Variants in RPH3A observed in about 807,000 individuals in gnomAD.
The protein encoded by RPH3A is rabphilin-3A.
In RPH3A, 48 loss-of-function variants were observed where a neutral mutation model predicts 102.2. That is an observed-to-expected ratio of 0.47 (90% CI 0.37 to 0.60). The LOEUF is 0.60. RPH3A is among the 20% of genes least tolerant of loss of function. The probability of loss-of-function intolerance (pLI) is 0.00; values close to 1 mark genes in which losing one functional copy is unlikely to be tolerated. For missense variants in RPH3A, 781 were observed against 910.1 expected, an observed-to-expected ratio of 0.86 and a Z score of 1.83; for synonymous variants, 310 against 324.3, an observed-to-expected ratio of 0.96 and a Z score of 0.47.
intron 1 of RPH3A, among the ~76,000 whole-genome samples, chr12:112,740,712 A>G (rs1164020183): frequency 3.9e-5 from 6 of 152,204 alleles, no homozygotes; most frequent in South Asian, 2.1e-4. Context: ...AGCCTTATCA[A>G]TGTCTTGCAG....
At chr12:112,658,437 G>A (rs1038216162) in intron 1 of RPH3A, among the ~76,000 whole-genome samples, 1 of 152,022 alleles carries the variant, frequency 6.6e-6, no homozygotes, top group East Asian at 1.9e-4. Flanking sequence ...TCGGCCTCCC[G>A]AAGTGTTGGG....
intron 1 of RPH3A, among the ~76,000 whole-genome samples, chr12:112,621,508 A>G (rs1440749899): frequency 1.4e-5 from 2 of 147,264 alleles, no homozygotes; most frequent in African/African-American, 5.1e-5. Flanking sequence ...ACCGGCTTAA[A>G]AAACGGCGCA....
chr12:112,713,585 C>T (rs553892917), intron 1 of RPH3A, among the ~76,000 whole-genome samples: 1 of 150,964 alleles, frequency 6.6e-6, no homozygotes, highest in Non-Finnish European at 1.5e-5. Context: ...AGCAGCCTAA[C>T]AATAAACAAT....
chr12:112,733,173 A>G (rs2136049992), intron 1 of RPH3A, among the ~76,000 whole-genome samples: 1 of 152,208 alleles, frequency 6.6e-6, no homozygotes, highest in South Asian at 2.1e-4. Context: ...CTCCAAACAC[A>G]CCTGCACAGA....
chr12:112,889,055 C>T (rs113667044), intron 17 of RPH3A, among the ~76,000 whole-genome samples: 46 of 152,346 alleles, frequency 3.0e-4, no homozygotes, highest in African/African-American at 9.9e-4. Flanking sequence ...CATCTTCCCA[C>T]CAGATGGCCA....
chr12:112,760,592 G>C (rs933594489), intron 1 of RPH3A, among the ~76,000 whole-genome samples: 2 of 152,172 alleles, frequency 1.3e-5, no homozygotes, highest in Non-Finnish European at 2.9e-5. Flanking sequence ...TAGTCTTTGA[G>C]GACCTGCTTT....
At chr12:112,824,485 C>A (rs533184870) in intron 2 of RPH3A, among the ~76,000 whole-genome samples, 1 of 152,146 alleles carries the variant, frequency 6.6e-6, no homozygotes, top group Admixed American at 6.5e-5. Flanking sequence ...TAGGGTGCCT[C>A]CCCCCAACTG....
chr12:112,859,655 C>G (rs150874518), intron 5 of RPH3A, among the ~76,000 whole-genome samples: 1 of 152,322 alleles, frequency 6.6e-6, no homozygotes, highest in East Asian at 1.9e-4. Context: ...CCAGTTAACA[C>G]AGCAAGAAGA....
chr12:112,887,695 A>T, intron 16 of RPH3A, 102 bp from the exon 17 acceptor site: 1 of 1,239,688 alleles, frequency 8.1e-7, no homozygotes, highest in South Asian at 1.4e-5. Context: ...ATTTCCACAT[A>T]CATTACACAT....
intron 2 of RPH3A, among the ~76,000 whole-genome samples, chr12:112,807,447 G>T (rs2041490950): frequency 1.3e-5 from 2 of 152,176 alleles, no homozygotes; most frequent in South Asian, 4.1e-4. Flanking sequence ...AAGGGGCTCA[G>T]AGTAGAGGAA....
intron 2 of RPH3A, among the ~76,000 whole-genome samples, chr12:112,810,110 T>C (rs1220998208): frequency 6.6e-6 from 1 of 152,316 alleles, no homozygotes; most frequent in Non-Finnish European, 1.5e-5. Context: ...AACTAAGAAA[T>C]AAATCTGCAA....
intron 1 of RPH3A, among the ~76,000 whole-genome samples, chr12:112,689,974 G>A (rs1484257256): frequency 6.6e-6 from 1 of 152,186 alleles, no homozygotes; most frequent in Non-Finnish European, 1.5e-5. Flanking sequence ...TTTTAAAAGA[G>A]GAGACTGATG....
intron 1 of RPH3A, among the ~76,000 whole-genome samples, chr12:112,755,924 A>C: frequency 6.6e-6 from 1 of 152,144 alleles, no homozygotes; most frequent in Non-Finnish European, 1.5e-5. Context: ...AATCTTTCTA[A>C]ATCAGTAAAT....
intron 1 of RPH3A, among the ~76,000 whole-genome samples, chr12:112,726,264 G>A (rs1202002608): frequency 6.6e-6 from 1 of 152,050 alleles, no homozygotes; most frequent in Non-Finnish European, 1.5e-5. Flanking sequence ...ACAGGTGTGT[G>A]CCACCACACC....
intron 1 of RPH3A, among the ~76,000 whole-genome samples, chr12:112,717,471 T>C (rs1014699782): frequency 1.3e-5 from 2 of 152,132 alleles, no homozygotes; most frequent in African/African-American, 4.8e-5. Flanking sequence ...ATATACTTTC[T>C]GTGTTATATA....
intron 2 of RPH3A, among the ~76,000 whole-genome samples, chr12:112,796,007 A>G (rs1213678208): frequency 6.6e-6 from 1 of 152,134 alleles, no homozygotes; most frequent in African/African-American, 2.4e-5. Context: ...AGGGAGGACA[A>G]AGCTTGGAGA....
At chr12:112,607,413 A>G (rs374297880) in intron 1 of RPH3A, among the ~76,000 whole-genome samples, 1 of 152,216 alleles carries the variant, frequency 6.6e-6, no homozygotes, top group East Asian at 1.9e-4. Flanking sequence ...ATTGAACAAT[A>G]TATTTATGTA....
intron 2 of RPH3A, among the ~76,000 whole-genome samples, chr12:112,823,091 A>T (rs12317841): frequency 2.0e-5 from 3 of 152,034 alleles, no homozygotes; most frequent in African/African-American, 7.3e-5. Flanking sequence ...CTCTCAGTGT[A>T]GCCTGGGAGA....
At chr12:112,824,912 T>C (rs2041841481) in intron 2 of RPH3A, among the ~76,000 whole-genome samples, 1 of 152,312 alleles carries the variant, frequency 6.6e-6, no homozygotes. Flanking sequence ...GAGGTGATCA[T>C]GTGTCTCCTT....
Sources: allele counts gnomAD v4.1 joint callset (sites outside exome capture counted in the v4.1 genomes callset), GRCh38; gene constraint gnomAD v4.1.1; transcripts MANE v1.5; gene names NCBI Gene and HGNC (gene_info 2026-07-23, HGNC 2026-07-21).